The following SYNJ2 variants were observed in gnomAD, a reference collection of about 807,000 sequenced individuals.
The protein encoded by SYNJ2 is synaptojanin 2.
SYNJ2 carries 116 observed loss-of-function variants against 141.3 expected under a neutral mutation model. The ratio of observed to expected loss-of-function variants is 0.82; its 90% CI spans 0.71 to 0.96. SYNJ2 has a LOEUF of 0.96. Ranked by LOEUF, SYNJ2 falls within the 40% of genes least tolerant of loss-of-function variation. The pLI, the probability that SYNJ2 is intolerant of heterozygous loss-of-function variation, is 0.00. For missense variants in SYNJ2, 1,873 were observed against 1,934.8 expected (o/e 0.97, Z 0.60); for synonymous variants, 745 against 777.7 (o/e 0.96, Z 0.70).
In SYNJ2 at chr6:158,071,828, C is replaced by T. The variant is rs1263035475; in HGVS notation, c.2133+34C>T. On this transcript the variant is annotated intron_variant, in intron 15 of 26. Transcript: ENST00000355585. The surrounding 1 kb of genome is among the most constrained non-coding windows in gnomAD (Gnocchi z 4.3). ...CGCCGTGGGGACAGCCAGCACCTCC[C>T]TGCTCAGCTCAGTCCCAAATGTGAC... 2.5e-6 allele frequency: 4 copies of T among 1,600,876 alleles called. No individual in the cohort carries two copies. In the South Asian group the frequency reaches 4.5e-5, roughly 18 times the overall value.
intron 6 of SYNJ2, among the ~76,000 whole-genome samples, chr6:158,057,247 A>G (rs182591525): frequency 2.8e-4 from 42 of 152,146 alleles, no homozygotes; most frequent in Admixed American, 2.0e-3. Context: ...AAAGGCCTCA[A>G]TGCTCAGGGT....
chr6:158,063,105 G>C (rs1313722774), intron 8 of SYNJ2, among the ~76,000 whole-genome samples: 1 of 152,170 alleles, frequency 6.6e-6, no homozygotes, highest in Non-Finnish European at 1.5e-5. Context: ...TTGATCAGTT[G>C]ATAAAAATGT....
At chr6:158,067,671 A>C in intron 12 of SYNJ2, 1 of 985,348 alleles carries the variant, frequency 1.0e-6, no homozygotes, top group Non-Finnish European at 1.2e-6. Flanking sequence ...CCATGTGTAC[A>C]TTCATGCCCC....
chr6:158,080,486 A>T (rs893652446), intron 18 of SYNJ2, among the ~76,000 whole-genome samples: 10 of 150,290 alleles, frequency 6.7e-5, no homozygotes, highest in Non-Finnish European at 1.2e-4. Flanking sequence ...AAATAAAAAA[A>T]AAAAAAAAAA....
intron 4 of SYNJ2, among the ~76,000 whole-genome samples, chr6:158,034,546 G>C (rs1779538960): frequency 6.6e-6 from 1 of 152,214 alleles, no homozygotes; most frequent in African/African-American, 2.4e-5. Flanking sequence ...CCAGTGTTCA[G>C]AGGGTAGATA....
intron 18 of SYNJ2, among the ~76,000 whole-genome samples, chr6:158,080,735 A>T (rs1239170465): frequency 6.6e-6 from 1 of 152,196 alleles, no homozygotes; most frequent in African/African-American, 2.4e-5. Context: ...CCTTGGTGGT[A>T]CTGAGGATTA....
chr6:158,002,259 C>T (rs532375106), intron 1 of SYNJ2: 1 of 152,336 alleles, frequency 6.6e-6, no homozygotes, highest in Non-Finnish European at 1.5e-5. Flanking sequence ...GCGTGGCTTC[C>T]CTGCTCAGGC....
Position 158,098,653 on chromosome 6 carries a change from A to T in SYNJ2, c.*2289A>T, listed in dbSNP as rs1783907745. The T allele has an allele frequency of 1.3e-5, 2 of 152,204 alleles. No individual in the cohort carries two copies. The highest frequency in any genetic ancestry group is 2.9e-5 in the Non-Finnish European group (2 of 68,030). The allele number at this position is 152,204 out of a possible 1,614,324, so 9.4% of individuals were successfully genotyped here. On this transcript the variant is annotated 3_prime_UTR_variant, in exon 27 of 27. Coordinates refer to ENST00000355585, the MANE Select transcript of SYNJ2 (RefSeq NM_003898.4). ...TGATTAAATAATCTTGACAATGAGCAGCTGCCATCTTGGGGGATTTCATTC... is the reference window on the plus strand; with the variant it reads ...TGATTAAATAATCTTGACAATGAGCTGCTGCCATCTTGGGGGATTTCATTC...
At chr6:157,992,542 C>G (rs959589052) in intron 1 of SYNJ2, among the ~76,000 whole-genome samples, 3 of 151,658 alleles carry the variant, frequency 2.0e-5, no homozygotes, top group Non-Finnish European at 4.4e-5. Flanking sequence ...GGATTACAGG[C>G]ACCCACCACC....
At position 158,086,914 on chromosome 6, in the gene SYNJ2, C is replaced by T. The variant is rs1344989785; in HGVS notation, c.3268C>T (p.Arg1090Cys). Residue 1090 changes from arginine to cysteine, a missense_variant, in exon 23 of 27, where the codon CGT becomes TGT. By Grantham distance (180) the Arg-to-Cys change is radical. Transcript: ENST00000355585. ...GGAAGCCGTCGGGGAGTTCCGCCACCGTTCTCCGAGCAGGTCTCTGTCGGT... is the reference window on the plus strand; with the variant it reads ...GGAAGCCGTCGGGGAGTTCCGCCACTGTTCTCCGAGCAGGTCTCTGTCGGT... ...ELEAVGEFRH[R>C]SPSRSLSVPN... 2.5e-6 allele frequency: 4 copies of T among 1,609,688 alleles called. No homozygotes were observed. The South Asian group carries it at 4.4e-5, about 18-fold the overall frequency.
chr6:157,985,487 G>T (rs1777165865), intron 1 of SYNJ2, among the ~76,000 whole-genome samples: 1 of 152,244 alleles, frequency 6.6e-6, no homozygotes. Flanking sequence ...CTGGAGGGTA[G>T]TTGGCCTTCT....
At chr6:158,054,492 T>C (rs1374973710) in intron 5 of SYNJ2, among the ~76,000 whole-genome samples, 2 of 152,204 alleles carry the variant, frequency 1.3e-5, no homozygotes, top group Admixed American at 6.5e-5. Context: ...TAAAACTAAG[T>C]TGAGTATTAA....
chr6:158,051,524 G>A (rs1780565345), intron 5 of SYNJ2, among the ~76,000 whole-genome samples: 1 of 152,046 alleles, frequency 6.6e-6, no homozygotes, highest in Admixed American at 6.5e-5. Context: ...AACCCCACAG[G>A]TTTGGGGTGA....
Position 158,086,906 on chromosome 6 carries a change from T to A in SYNJ2, c.3260T>A (p.Phe1087Tyr), listed in dbSNP as rs1264759144. Residue 1087 changes from phenylalanine (F) to tyrosine (Y), a missense_variant, in exon 23 of 27, where the codon TTC (phenylalanine) becomes TAC (tyrosine). Phe to Tyr is a conservative substitution (Grantham distance 22). Coordinates refer to ENST00000355585, the MANE Select transcript of SYNJ2 (RefSeq NM_003898.4). ...LKRELEAVGE[F>Y]RHRSPSRSLS... The stretch of plus-strand genomic sequence containing the variant: ...CGGGAGCTGGAAGCCGTCGGGGAGT[T>A]CCGCCACCGTTCTCCGAGCAGGTCT... 1 of 1,609,862 alleles carries A rather than the reference T, an allele frequency of 6.2e-7. No homozygotes were observed. The highest frequency in any genetic ancestry group is 8.5e-7 in the Non-Finnish European group (1 of 1,180,012).
At chr6:158,016,795 T>C (rs1033819561) in intron 1 of SYNJ2, among the ~76,000 whole-genome samples, 2 of 152,102 alleles carry the variant, frequency 1.3e-5, no homozygotes, top group Non-Finnish European at 2.9e-5. Context: ...CTGCCCAGTC[T>C]CCCCAAGTTA....
chr6:158,074,831 G>A (rs12203105), intron 16 of SYNJ2, 93 bp downstream of exon 16: 417,546 of 1,442,152 alleles, frequency 0.29, 62,135 homozygotes, highest in Admixed American at 0.44. Flanking sequence ...ATTCAGTTCC[G>A]TGAGTGGATT....
In SYNJ2 at chr6:158,084,194, C is replaced by T; in HGVS notation, c.3208+20C>T. The T allele has an allele frequency of 6.2e-7, 1 of 1,607,604 alleles. No homozygotes were observed. The highest frequency in any genetic ancestry group is 8.5e-7 in the Non-Finnish European group (1 of 1,176,308). Reference sequence around the variant, plus strand: ...ACAAAGGTAGCCTGACCCTTCTTTTCTCAGGAGCCTCAGCGATGGAGTCAG... The same window carrying T: ...ACAAAGGTAGCCTGACCCTTCTTTTTTCAGGAGCCTCAGCGATGGAGTCAG... On this transcript the variant is annotated intron_variant, in intron 22 of 26. Coordinates refer to ENST00000355585, the MANE Select transcript of SYNJ2 (RefSeq NM_003898.4). The surrounding 1 kb of genome is among the most constrained non-coding windows in gnomAD (Gnocchi z 5.0).
chr6:158,062,783 C>T lies in SYNJ2; in HGVS notation c.1127+619C>T, dbSNP rs922324604. The stretch of plus-strand genomic sequence containing the variant: ...ACAGAGTATTTAAATACTCTGGCCT[C>T]GTATTTAAACAAGTTTCCTTTTTAA... On this transcript the variant is annotated intron_variant, in intron 8 of 26. Transcript: ENST00000355585. Among the ~76,000 whole-genome samples, 4 of 152,108 alleles carry T rather than the reference C, an allele frequency of 2.6e-5. No individual in the cohort carries two copies. The East Asian group carries it at 5.8e-4, about 22-fold the overall frequency.
At chr6:158,006,736 G>A (rs977999441) in intron 1 of SYNJ2, among the ~76,000 whole-genome samples, 5 of 152,054 alleles carry the variant, frequency 3.3e-5, no homozygotes, top group African/African-American at 9.7e-5. Flanking sequence ...GCAGTGGTGC[G>A]ATCTCGGCTC....
Sources: allele counts gnomAD v4.1 joint callset (sites outside exome capture counted in the v4.1 genomes callset), GRCh38; gene constraint gnomAD v4.1.1; non-coding constraint Gnocchi (gnomAD v3.1); transcripts MANE v1.5; gene names NCBI Gene and HGNC (gene_info 2026-07-23, HGNC 2026-07-21).